SCNN1G: variants seen among roughly 807,000 people sequenced by gnomAD.
SCNN1G encodes the protein epithelial sodium channel subunit gamma.
In SCNN1G, 27 loss-of-function variants were observed where a neutral mutation model predicts 64.6. The observed-to-expected ratio is 0.42, with a 90% confidence interval of 0.31 to 0.58. The LOEUF is 0.58. Among genes scored for constraint, SCNN1G ranks in the 20% least tolerant of loss-of-function variants. The probability of loss-of-function intolerance (pLI) is 0.18; values close to 1 mark genes in which losing one functional copy is unlikely to be tolerated. For synonymous variants in SCNN1G, 330 were observed against 314.2 expected (o/e 1.05, Z -0.53); for missense variants, 743 against 823.4 (o/e 0.90, Z 1.19).
intron 6 of SCNN1G, among the ~76,000 whole-genome samples, chr16:23,202,238 T>C (rs1442431786): frequency 1.8e-5 from 2 of 113,470 alleles, no homozygotes; most frequent in Non-Finnish European, 3.3e-5. Flanking sequence ...TATTGATAGA[T>C]GACAGATGGA....
chr16:23,199,045 T>G (rs1027478647), intron 6 of SCNN1G, among the ~76,000 whole-genome samples: 5 of 151,966 alleles, frequency 3.3e-5, no homozygotes, highest in African/African-American at 1.2e-4. Flanking sequence ...TAAGAACTTA[T>G]TTAAAGAGAG....
Position 23,197,327 on chromosome 16 carries a change from GAGCTA to G in SCNN1G, c.980_984del (p.Ala327GlyfsTer8), listed in dbSNP as rs761173499. ...AACCCATTCCTCGTGTCCTCCACTG[GAGCTA>G]AGGTGATCATCCATCGGCAGGATGA... On this transcript the variant is annotated frameshift_variant, in exon 6 of 13. Transcript: ENST00000300061. LOFTEE classifies it high-confidence loss of function. The G allele has an allele frequency of 6.2e-7, 1 of 1,613,712 alleles. No individual in the cohort carries two copies. The highest frequency in any genetic ancestry group is 1.3e-5 in the African/African-American group (1 of 74,902).
intron 1 of SCNN1G, among the ~76,000 whole-genome samples, chr16:23,185,802 T>A (rs1959596216): frequency 1.3e-5 from 2 of 152,110 alleles, no homozygotes; most frequent in African/African-American, 4.8e-5. Context: ...CCAGGGGGCA[T>A]AATGAGATAG....
chr16:23,199,611 T>C (rs1441476788), intron 6 of SCNN1G, among the ~76,000 whole-genome samples: 1 of 152,104 alleles, frequency 6.6e-6, no homozygotes, highest in Admixed American at 6.5e-5. Context: ...TGGTATCTGT[T>C]ATCATTTTAA....
At chr16:23,192,800 G>A (rs1366501266) in intron 4 of SCNN1G, among the ~76,000 whole-genome samples, 1 of 152,102 alleles carries the variant, frequency 6.6e-6, no homozygotes, top group African/African-American at 2.4e-5. Flanking sequence ...AGGCATGGTG[G>A]TTCACGCCTC....
chr16:23,206,970 C>T (rs778578191), intron 6 of SCNN1G, among the ~76,000 whole-genome samples: 2 of 152,066 alleles, frequency 1.3e-5, no homozygotes, highest in East Asian at 1.9e-4. Context: ...AAGCTGGGGC[C>T]GAGGGAAGAG....
chr16:23,202,505 A>G (rs1567266640), intron 6 of SCNN1G, among the ~76,000 whole-genome samples: 1 of 152,230 alleles, frequency 6.6e-6, no homozygotes, highest in Non-Finnish European at 1.5e-5. Context: ...CAGACAAAGA[A>G]TGTAGCAATT....
intron 5 of SCNN1G, chr16:23,195,991 T>C (rs982603642): frequency 5.3e-5 from 8 of 152,190 alleles, no homozygotes; most frequent in African/African-American, 1.9e-4. Flanking sequence ...AGTGAAAAGA[T>C]AGATGTCTTC....
chr16:23,201,720 G>A (rs576912269), intron 6 of SCNN1G, among the ~76,000 whole-genome samples: 2 of 152,318 alleles, frequency 1.3e-5, no homozygotes, highest in South Asian at 4.1e-4. Context: ...TATTCACTGA[G>A]AGATTGTGTG....
intron 6 of SCNN1G, among the ~76,000 whole-genome samples, chr16:23,203,499 G>A (rs187482548): frequency 2.2e-4 from 34 of 152,024 alleles, no homozygotes; most frequent in Non-Finnish European, 3.2e-4. Context: ...GGTCAGGCGC[G>A]GTGGCTCACA....
chr16:23,214,603 C>T (rs1960130225), intron 11 of SCNN1G, 109 bp from the exon 12 acceptor site: 1 of 827,030 alleles, frequency 1.2e-6, no homozygotes, highest in African/African-American at 1.7e-5. Context: ...CCAAGGAGCT[C>T]AGTGCCTTGG....
chr16:23,207,084 G>A (rs1960002911), intron 6 of SCNN1G, among the ~76,000 whole-genome samples: 1 of 152,196 alleles, frequency 6.6e-6, no homozygotes, highest in South Asian at 2.1e-4. Flanking sequence ...CAAGAGCTGT[G>A]AGTTTGATAA....
intron 6 of SCNN1G, among the ~76,000 whole-genome samples, chr16:23,200,392 G>C (rs984500714): frequency 4.6e-5 from 7 of 152,196 alleles, no homozygotes; most frequent in Admixed American, 3.9e-4. Flanking sequence ...CTTGGCTTTA[G>C]AGCAATGCAG....
At position 23,194,188 on chromosome 16, in the gene SCNN1G, A is replaced by G. The variant is rs182222186; in HGVS notation, c.827A>G (p.His276Arg). Residue 276 changes from histidine to arginine, a missense_variant, in exon 5 of 13, where the codon CAC (histidine) becomes CGC (arginine). Physicochemically the swap from His to Arg is conservative, Grantham distance 29 (BLOSUM62 0). Coordinates refer to ENST00000300061, the MANE Select transcript of SCNN1G (RefSeq NM_001039.4). ...SCDARNFTLF[H>R]HPMHGNCYTF... The stretch of plus-strand genomic sequence containing the variant: ...CTCCATAGGAATTTCACGCTTTTCC[A>G]CCACCCGATGCATGGGAATTGCTAT... The G allele has an allele frequency of 1.2e-6, 2 of 1,613,522 alleles. No homozygotes were observed. The highest frequency in any genetic ancestry group is 2.2e-5 in the East Asian group (1 of 44,874).
chr16:23,214,780 C>T lies in SCNN1G; in HGVS notation c.1562C>T (p.Ala521Val). The change falls in exon 12 of 13, where the codon GCC becomes GTC. Residue 521 changes from alanine to valine, a missense_variant. Coordinates refer to ENST00000300061, the MANE Select transcript of SCNN1G (RefSeq NM_001039.4). ...CAGAGATCCATCATGGAGAGCCCAG[C>T]CAACAGTGTGAGTAGAGTGGCTTCC... ...LNQRSIMESP[A>V]NSIEMLLSNF... The T allele has an allele frequency of 1.2e-6, 2 of 1,613,054 alleles. No homozygotes were observed. Among genetic ancestry groups the T allele is most frequent in the Non-Finnish European group, 1.7e-6 (2 of 1,179,034 alleles).
intron 6 of SCNN1G, among the ~76,000 whole-genome samples, chr16:23,198,334 G>T (rs1041159186): frequency 1.3e-5 from 2 of 152,186 alleles, no homozygotes; most frequent in African/African-American, 4.8e-5. Context: ...GATGGCCTTG[G>T]TCACTCCACT....
chr16:23,189,749 C>G, intron 3 of SCNN1G, 78 bp downstream of exon 3: 1 of 1,362,206 alleles, frequency 7.3e-7, no homozygotes, highest in East Asian at 2.3e-5. Flanking sequence ...TCCTTGACCA[C>G]TAGCCCCTGT....
intron 1 of SCNN1G, among the ~76,000 whole-genome samples, chr16:23,185,389 A>G (rs995507401): frequency 3.3e-5 from 5 of 152,216 alleles, no homozygotes; most frequent in Admixed American, 6.5e-5. Context: ...TTCTCATTGT[A>G]AAGTTTGTAT....
chr16:23,196,994 C>T (rs1169068168), intron 5 of SCNN1G, among the ~76,000 whole-genome samples: 1 of 152,204 alleles, frequency 6.6e-6, no homozygotes, highest in East Asian at 1.9e-4. Context: ...AATTTCCTTA[C>T]ACTTGGCAAA....
Sources: gnomAD v4.1 joint callset for allele counts (sites outside exome capture counted in the v4.1 genomes callset) on GRCh38, gnomAD v4.1.1 for gene constraint, MANE v1.5 for transcripts, NCBI Gene and HGNC (gene_info 2026-07-23, HGNC 2026-07-21) for gene names.